The following XRCC1 variants were observed in gnomAD, a reference collection of about 807,000 sequenced individuals.
The protein encoded by XRCC1 is X-ray repair cross complementing 1, also known as DNA repair protein XRCC1.
In XRCC1, 52 loss-of-function variants were observed where a neutral mutation model predicts 83.3. The observed-to-expected ratio is 0.62, with a 90% CI of 0.50 to 0.79. The LOEUF (loss-of-function observed/expected upper bound fraction) is 0.79. Ranked by LOEUF, XRCC1 falls within the 30% of genes least tolerant of loss-of-function variation. XRCC1 has a pLI of 0.00. For missense variants in XRCC1, 793 were observed against 823.5 expected (o/e 0.96, Z 0.45); for synonymous variants, 281 against 312.6 (o/e 0.90, Z 1.07).
intron 2 of XRCC1, among the ~76,000 whole-genome samples, chr19:43,568,318 G>A (rs1400521997): frequency 1.3e-5 from 2 of 152,000 alleles, no homozygotes; most frequent in African/African-American, 2.4e-5. Context: ...CTAACATGGG[G>A]AAACCCCATC....
chr19:43,558,363 C>T (rs535754749), intron 3 of XRCC1, among the ~76,000 whole-genome samples: 48 of 151,194 alleles, frequency 3.2e-4, no homozygotes, highest in African/African-American at 1.1e-3. Flanking sequence ...CAGGTACACA[C>T]AGCAGCTCAC....
chr19:43,546,074 C>T lies in XRCC1; in HGVS notation c.1459G>A (p.Asp487Asn). The change falls in exon 13 of 17, where the codon GAC (aspartate) becomes AAC (asparagine). Residue 487 changes from aspartate to asparagine, a missense_variant. By Grantham distance (23) the Asp-to-Asn change is conservative. Transcript: ENST00000262887. ...GQDNGAEDSGDTEDELRRVAE... is the reference protein window; with the variant it reads ...GQDNGAEDSGNTEDELRRVAE... ...TACCTCCTCAGCTCATCCTCTGTGT[C>T]CCCAGAATCTTCCGCCCCATTGTCC... 1.2e-6 allele frequency: 2 copies of T among 1,613,450 alleles called. No homozygotes were observed. The highest frequency in any genetic ancestry group is 1.7e-5 in the Admixed American group (1 of 59,972).
chr19:43,543,741 G>T, intron 15 of XRCC1, 54 bp from the exon 16 acceptor site: 1 of 1,541,248 alleles, frequency 6.5e-7, no homozygotes, highest in Non-Finnish European at 9.0e-7. Flanking sequence ...CAGCACTGAC[G>T]TCCTACTCCC....
rs776500927 is a variant in XRCC1, at chr19:43,560,934, T to A, written c.231A>T (p.Gly77=). The A allele has an allele frequency of 6.2e-7, 1 of 1,614,188 alleles. No homozygotes were observed. The highest frequency in any genetic ancestry group is 1.1e-5 in the South Asian group (1 of 91,088). Residue 77 remains glycine, a synonymous_variant, in exon 3 of 17, where the codon GGA becomes GGT. Coordinates refer to ENST00000262887, the MANE Select transcript of XRCC1 (RefSeq NM_006297.3). ...CCTCATAGTCTTGCTCCCCAGCGCC[T>A]CCAGCTGAACTGCCCACCAGCACCT... ...FVEVLVGSSA[G]GAGEQDYEVL...
chr19:43,571,970 G>C (rs1164951910), intron 2 of XRCC1, among the ~76,000 whole-genome samples: 1 of 152,178 alleles, frequency 6.6e-6, no homozygotes, highest in Non-Finnish European at 1.5e-5. Context: ...TCTGTCTTCA[G>C]CTCCACATGT....
At chr19:43,555,458 G>C (rs563552626) in intron 3 of XRCC1, 1 of 152,214 alleles carries the variant, frequency 6.6e-6, no homozygotes, top group East Asian at 1.9e-4. Flanking sequence ...CCCCAGTTAA[G>C]CTTCTGCTGC....
rs927803045 is a variant in XRCC1 at position 43,563,350 on chromosome 19, G to A, written c.145-2330C>T. Among the ~76,000 whole-genome samples the A allele has an allele frequency of 3.9e-5, 6 of 152,238 alleles. No individual in the cohort carries two copies. In the South Asian group the frequency reaches 8.3e-4, roughly 21 times the overall value. Reference sequence around the variant, plus strand: ...AAAAATATGAAAATTAAAATTAGCCGGGCATGGTGGTGAGCGCCTGTAATC... The same window carrying A: ...AAAAATATGAAAATTAAAATTAGCCAGGCATGGTGGTGAGCGCCTGTAATC... On this transcript the variant is annotated intron_variant, in intron 2 of 16. Coordinates refer to ENST00000262887, the MANE Select transcript of XRCC1 (RefSeq NM_006297.3).
At chr19:43,549,636 A>G (rs1316302335) in intron 10 of XRCC1, among the ~76,000 whole-genome samples, 2 of 152,068 alleles carry the variant, frequency 1.3e-5, no homozygotes, top group Non-Finnish European at 2.9e-5. Context: ...GGCTCATTGC[A>G]GCCTGAACCT....
At chr19:43,555,324 T>A (rs1972624851) in intron 3 of XRCC1, 1 of 152,242 alleles carries the variant, frequency 6.6e-6, no homozygotes, top group African/African-American at 2.4e-5. Flanking sequence ...CAAACCACCT[T>A]TCTGCTTCCC....
chr19:43,551,042 TG>T (rs1222473177), intron 10 of XRCC1, among the ~76,000 whole-genome samples: 39 of 152,224 alleles, frequency 2.6e-4, no homozygotes, highest in South Asian at 4.1e-4. Flanking sequence ...CAGAGTGCAG[TG>T]GCACGATTTT....
At chr19:43,550,653 T>C (rs776979723) in intron 10 of XRCC1, among the ~76,000 whole-genome samples, 7 of 152,224 alleles carry the variant, frequency 4.6e-5, no homozygotes, top group Non-Finnish European at 1.0e-4. Flanking sequence ...TGGTTCCTAA[T>C]GCCCCAGTCC....
At chr19:43,544,340 A>C (rs369912776) in intron 14 of XRCC1, 106 bp from the exon 15 acceptor site, 10 of 935,508 alleles carry the variant, frequency 1.1e-5, no homozygotes, top group African/African-American at 6.6e-5. Context: ...GGCTGTCCAC[A>C]TGTGGGCAGG....
At chr19:43,563,657 G>C (rs1972723993) in intron 2 of XRCC1, among the ~76,000 whole-genome samples, 1 of 152,098 alleles carries the variant, frequency 6.6e-6, no homozygotes, top group South Asian at 2.1e-4. Context: ...CAATCCCCCT[G>C]CCTAGACCAC....
chr19:43,570,990 C>G (rs544163395), intron 2 of XRCC1, among the ~76,000 whole-genome samples: 12 of 152,314 alleles, frequency 7.9e-5, no homozygotes, highest in Admixed American at 1.3e-4. Context: ...CAATGCTGAT[C>G]TCCCACTCCT....
In XRCC1 at chr19:43,547,874, C is replaced by T. The variant is rs74401448; in HGVS notation, c.1200-897G>A. ...AATCAGAACTTTCTCCTTTAAGAAT[C>T]AAAGGCAGTTTCTCATTAGGAAAAT... On this transcript the variant is annotated intron_variant, in intron 10 of 16. Coordinates refer to ENST00000262887, the MANE Select transcript of XRCC1 (RefSeq NM_006297.3). Among the ~76,000 whole-genome samples, 82 of 152,280 alleles carry T rather than the reference C, an allele frequency of 5.4e-4. No homozygotes were observed. In the East Asian group the frequency reaches 0.011, roughly 21 times the overall value.
chr19:43,557,560 G>T (rs575058510), intron 3 of XRCC1, among the ~76,000 whole-genome samples: 1 of 152,008 alleles, frequency 6.6e-6, no homozygotes, highest in East Asian at 1.9e-4. Flanking sequence ...TTTATAAAAG[G>T]CCTGATTTGG....
At chr19:43,569,932 T>C (rs564617367) in intron 2 of XRCC1, among the ~76,000 whole-genome samples, 1 of 152,352 alleles carries the variant, frequency 6.6e-6, no homozygotes, top group South Asian at 2.1e-4. Flanking sequence ...AATGAATCTA[T>C]GCTGTTAACA....
intron 2 of XRCC1, among the ~76,000 whole-genome samples, chr19:43,566,234 T>TAA (rs768641209): frequency 6.8e-5 from 9 of 132,432 alleles, no homozygotes; most frequent in Non-Finnish European, 4.9e-5. Flanking sequence ...AGACTCCATC[T>TAA]AAAAAAAAAA....
At chr19:43,560,107 A>G (rs1972681505) in intron 3 of XRCC1, among the ~76,000 whole-genome samples, 1 of 151,644 alleles carries the variant, frequency 6.6e-6, no homozygotes, top group Admixed American at 6.6e-5. Context: ...AAAGAAAAAG[A>G]AGGCCAGGCG....
Sources: allele counts gnomAD v4.1 joint callset (sites outside exome capture counted in the v4.1 genomes callset), GRCh38; gene constraint gnomAD v4.1.1; transcripts MANE v1.5; gene names NCBI Gene and HGNC (gene_info 2026-07-23, HGNC 2026-07-21).